Variants in ERC1 observed in about 807,000 individuals in gnomAD.
The protein encoded by ERC1 is ELKS/RAB6-interacting/CAST family member 1.
Under a neutral mutation model 132.0 loss-of-function variants are expected in ERC1, and 56 were observed. That is an observed-to-expected ratio of 0.42 (90% CI 0.34 to 0.53). The LOEUF is 0.53. Among genes scored for constraint, ERC1 ranks in the 20% least tolerant of loss-of-function variants. The pLI is 0.03. For missense variants in ERC1, 1,202 were observed against 1,349.9 expected (o/e 0.89, Z 1.72); for synonymous variants, 478 against 476.1 (o/e 1.00, Z -0.05).
At chr12:1,143,101 C>G (rs1177885871) in intron 8 of ERC1, among the ~76,000 whole-genome samples, 2 of 152,160 alleles carry the variant, frequency 1.3e-5, no homozygotes, top group Non-Finnish European at 2.9e-5. Flanking sequence ...GGTTTTACCA[C>G]CATGTTGGCC....
At chr12:1,029,744 CTTT>C (rs747890124) in intron 2 of ERC1, among the ~76,000 whole-genome samples, 6 of 114,232 alleles carry the variant, frequency 5.3e-5, no homozygotes, top group African/African-American at 9.7e-5. Context: ...GTTAAACATA[CTTT>C]TTTTTTTTTT....
intron 2 of ERC1, among the ~76,000 whole-genome samples, chr12:1,062,691 G>T (rs909524513): frequency 2.0e-5 from 3 of 152,164 alleles, no homozygotes; most frequent in Non-Finnish European, 4.4e-5. Context: ...TGTAGCTGTT[G>T]CATGGAATGT....
At chr12:1,360,649 A>G (rs2086003206) in intron 15 of ERC1, among the ~76,000 whole-genome samples, 2 of 152,236 alleles carry the variant, frequency 1.3e-5, no homozygotes, top group Admixed American at 6.5e-5. Context: ...TTAAAGAGAA[A>G]TTTGGCAGCA....
chr12:1,002,899 T>G (rs1434608791), intron 1 of ERC1, among the ~76,000 whole-genome samples: 1 of 151,924 alleles, frequency 6.6e-6, no homozygotes, highest in Non-Finnish European at 1.5e-5. Context: ...ATATGACCCC[T>G]TCTTTGGTTA....
intron 2 of ERC1, among the ~76,000 whole-genome samples, chr12:1,067,773 A>G (rs529046890): frequency 2.0e-4 from 30 of 152,202 alleles, no homozygotes; most frequent in African/African-American, 6.5e-4. Flanking sequence ...GAAAAGGTAC[A>G]TATGAATCAG....
intron 16 of ERC1, among the ~76,000 whole-genome samples, chr12:1,407,671 C>G (rs1289326548): frequency 6.6e-6 from 1 of 152,162 alleles, no homozygotes; most frequent in African/African-American, 2.4e-5. Context: ...ATAGCTTAAT[C>G]AAACAGAAAT....
intron 15 of ERC1, among the ~76,000 whole-genome samples, chr12:1,296,399 G>GTTTTT (rs2079938073): frequency 5.9e-5 from 7 of 117,884 alleles, no homozygotes; most frequent in East Asian, 2.8e-4. Flanking sequence ...TTATTGGATA[G>GTTTTT]TCTTTTTTTT....
chr12:1,029,494 A>G (rs1307260135), intron 2 of ERC1, among the ~76,000 whole-genome samples: 3 of 152,190 alleles, frequency 2.0e-5, no homozygotes, highest in Admixed American at 2.0e-4. Flanking sequence ...GGTGGAGGAA[A>G]GGCAACTTGG....
intron 8 of ERC1, among the ~76,000 whole-genome samples, chr12:1,148,047 C>G (rs1284235012): frequency 6.6e-6 from 1 of 152,116 alleles, no homozygotes; most frequent in Non-Finnish European, 1.5e-5. Flanking sequence ...CCTTTCAGAT[C>G]ATGAGAACAT....
chr12:1,421,246 G>A (rs891451635), intron 17 of ERC1, among the ~76,000 whole-genome samples: 18 of 152,124 alleles, frequency 1.2e-4, no homozygotes, highest in Admixed American at 4.6e-4. Flanking sequence ...CTCGCTCAGC[G>A]GATTCTTCTC....
intron 14 of ERC1, among the ~76,000 whole-genome samples, chr12:1,271,395 A>G (rs1051597764): frequency 6.6e-6 from 1 of 152,206 alleles, no homozygotes; most frequent in Non-Finnish European, 1.5e-5. Flanking sequence ...GAAAACAAAG[A>G]TGGCCATTGG....
chr12:1,076,799 C>T (rs1002671558), intron 2 of ERC1, among the ~76,000 whole-genome samples: 3 of 152,152 alleles, frequency 2.0e-5, no homozygotes, highest in South Asian at 2.1e-4. Flanking sequence ...AATTTCTCAA[C>T]ATTTAATTTT....
At position 1,093,905 on chromosome 12, in the gene ERC1, ATATT is replaced by A. The variant is rs1239213199; in HGVS notation, c.1086+10327_1086+10330del. 4.4e-4 allele frequency among the ~76,000 whole-genome samples: 62 copies of A among 141,876 alleles called. 1 individual carries two copies. Among genetic ancestry groups the A allele is most frequent in the South Asian group, 3.9e-3 (18 of 4,586 alleles). 93.1% of individuals were successfully genotyped at this position (141,876 alleles called of 152,430 possible). On this transcript the variant is annotated intron_variant, in intron 3 of 18. Coordinates refer to ENST00000360905, the MANE Select transcript of ERC1 (RefSeq NM_178040.4). ...TGTGTATTTATTTATATATAAATAT[ATATT>A]TTTCTATATATAAATGTATATTTTT...
intron 15 of ERC1, among the ~76,000 whole-genome samples, chr12:1,301,708 A>T (rs1351674161): frequency 6.6e-6 from 1 of 152,158 alleles, no homozygotes; most frequent in Non-Finnish European, 1.5e-5. Context: ...AGGAAAAATG[A>T]CTAATGAGTA....
chr12:1,418,686 CTTTCTTTCTTTCTTTCT>C (rs2092293559), intron 17 of ERC1, among the ~76,000 whole-genome samples: 1 of 107,190 alleles, frequency 9.3e-6, no homozygotes. Flanking sequence ...TTCTTTCTTT[CTTTCTTTCTTTCTTTCT>C]TTCTTTCTTT....
intron 17 of ERC1, among the ~76,000 whole-genome samples, chr12:1,437,357 G>A (rs767888992): frequency 6.6e-5 from 10 of 152,086 alleles, no homozygotes; most frequent in Non-Finnish European, 1.3e-4. Context: ...GTATATACAT[G>A]TTCACCCACC....
chr12:1,487,539 T>TGAAAAAAAAAAA (rs773565169), intron 18 of ERC1, among the ~76,000 whole-genome samples: 1 of 130,846 alleles, frequency 7.6e-6, no homozygotes, highest in Non-Finnish European at 1.6e-5. Flanking sequence ...ACCGCACCTC[T>TGAAAAAAAAAAA]AAAAAAGAAA....
At position 1,341,008 on chromosome 12, in the gene ERC1, T is replaced by G. The variant is rs568909968; in HGVS notation, c.2781-30825T>G. On this transcript the variant is annotated intron_variant, in intron 15 of 18. Transcript: ENST00000360905. ...CCAAAGGAATAAATACAGATTGGTTTAAAACATAGAATATTAACATTTCTA... is the reference window on the plus strand; with the variant it reads ...CCAAAGGAATAAATACAGATTGGTTGAAAACATAGAATATTAACATTTCTA... Among the ~76,000 whole-genome samples the G allele has an allele frequency of 1.1e-4, 17 of 150,240 alleles. 1 individual carries two copies. The highest frequency in any genetic ancestry group is 4.1e-4 in the African/African-American group (17 of 41,132).
chr12:1,464,140 G>T lies in ERC1; in HGVS notation c.3213+19390G>T, dbSNP rs370930157. ...TAAGTATTATTTGCAATTCACTCCC[G>T]ATGGATGTGAGAACTCCTCATGGAG... On this transcript the variant is annotated intron_variant, in intron 18 of 18. Coordinates refer to ENST00000360905, the MANE Select transcript of ERC1 (RefSeq NM_178040.4). 3.9e-5 allele frequency among the ~76,000 whole-genome samples: 6 copies of T among 152,200 alleles called. No individual in the cohort carries two copies. In the East Asian group the frequency reaches 7.7e-4, roughly 20 times the overall value.
Sources: gnomAD v4.1 joint callset for allele counts (sites outside exome capture counted in the v4.1 genomes callset) on GRCh38, gnomAD v4.1.1 for gene constraint, MANE v1.5 for transcripts, NCBI Gene and HGNC (gene_info 2026-07-23, HGNC 2026-07-21) for gene names.